Variants in FLT4 observed in about 807,000 individuals in gnomAD.
FLT4 encodes the protein vascular endothelial growth factor receptor 3.
FLT4 carries 30 observed loss-of-function variants against 163.2 expected under a neutral mutation model. The ratio of observed to expected loss-of-function variants is 0.18; its 90% CI spans 0.14 to 0.25. The LOEUF (loss-of-function observed/expected upper bound fraction) is 0.25. Among genes scored for constraint, FLT4 ranks in the 10% least tolerant of loss-of-function variants. FLT4 has a pLI of 1.00. For synonymous variants in FLT4, 884 were observed against 789.5 expected (o/e 1.12, Z -2.01); for missense variants, 1,510 against 1,863.8 (o/e 0.81, Z 3.50).
In FLT4 at chr5:180,619,215, C is replaced by G. The variant is rs1248283356; in HGVS notation, c.2761+38G>C. 4.7e-6 allele frequency: 7 copies of G among 1,504,094 alleles called. No individual in the cohort carries two copies. The Admixed American group carries it at 8.0e-5, about 17-fold the overall frequency. 93.2% of individuals were successfully genotyped at this position (1,504,094 alleles called of 1,614,324 possible). A position where few individuals can be genotyped will look rare whatever the true frequency, so the allele number is the denominator to read the frequency against. The stretch of plus-strand genomic sequence containing the variant: ...CCTCCCGCCCGCGGCGCCCCGCGCC[C>G]GGGGTCTCGCCGTCCCAGCGGGCCG... On this transcript the variant is annotated intron_variant, in intron 19 of 29. Coordinates refer to ENST00000261937, the MANE Select transcript of FLT4 (RefSeq NM_182925.5).
chr5:180,649,119 C>T (rs1050031042), intron 1 of FLT4, among the ~76,000 whole-genome samples: 4 of 151,654 alleles, frequency 2.6e-5, no homozygotes, highest in African/African-American at 9.7e-5. Flanking sequence ...CGGCGCGGCG[C>T]GGGGACCCCG....
chr5:180,627,324 G>T (rs536935435), intron 8 of FLT4, among the ~76,000 whole-genome samples: 1 of 152,298 alleles, frequency 6.6e-6, no homozygotes, highest in East Asian at 1.9e-4. Flanking sequence ...TGCCTGGCCT[G>T]GGGTCGCAGA....
chr5:180,616,581 A>G lies in FLT4; in HGVS notation c.3097-92T>C, dbSNP rs1762709341. 4.2e-6 allele frequency: 6 copies of G among 1,423,988 alleles called. No homozygotes were observed. The Admixed American group carries it at 8.6e-5, about 20-fold the overall frequency. The allele number at this position is 1,423,988 out of a possible 1,614,324, so 88.2% of individuals were successfully genotyped here. A position where few individuals can be genotyped will look rare whatever the true frequency, so the allele number is the denominator to read the frequency against. On this transcript the variant is annotated intron_variant, in intron 22 of 29. Transcript: ENST00000261937. ...ACTCCAGGGTGCCCAAGCAGTGGGG[A>G]CCATGGGGATGCCCTGCCTGAACTG...
At chr5:180,606,904 A>AAAAC (rs1554107725) in intron 29 of FLT4, among the ~76,000 whole-genome samples, 1 of 122,640 alleles carries the variant, frequency 8.2e-6, no homozygotes, top group Non-Finnish European at 1.8e-5. Flanking sequence ...AAAAAAAAAA[A>AAAAC]AAAAAAAAAA....
chr5:180,609,257 CA>C (rs1761990532), intron 28 of FLT4: 1 of 624,058 alleles, frequency 1.6e-6, no homozygotes. Context: ...ACACTGAGGT[CA>C]GGGGGGCTGT....
At chr5:180,622,935 C>G (rs73812624) in intron 11 of FLT4, 96 bp from the exon 12 acceptor site, 12 of 787,678 alleles carry the variant, frequency 1.5e-5, no homozygotes, top group African/African-American at 3.4e-5. Context: ...ACCACCCCCC[C>G]CAATCATGGG....
At position 180,612,574 on chromosome 5, in the gene FLT4, T is replaced by G. The variant is rs753200941; in HGVS notation, c.3469A>C (p.Lys1157Gln). Residue 1157 changes from lysine to glutamine, a missense_variant, in exon 26 of 30, where the codon AAG becomes CAG. Transcript: ENST00000261937. Reference sequence around the variant, plus strand: ...AGCTCCGAGAATGCAGGTCTCGCCTTGGGGTCTCCGGACCAGCAGTTCAGC... The same window carrying G: ...AGCTCCGAGAATGCAGGTCTCGCCTGGGGGTCTCCGGACCAGCAGTTCAGC... ...IMLNCWSGDP[K>Q]ARPAFSELVE... The G allele has an allele frequency of 6.6e-5, 106 of 1,613,886 alleles. No homozygotes were observed. The highest frequency in any genetic ancestry group is 8.8e-5 in the Non-Finnish European group (104 of 1,179,946).
chr5:180,634,637 G>A (rs1447048576), intron 1 of FLT4, among the ~76,000 whole-genome samples: 3 of 138,996 alleles, frequency 2.2e-5, no homozygotes, highest in Non-Finnish European at 4.6e-5. Context: ...GGAGCTTGCA[G>A]TGAGTGGAGA....
intron 17 of FLT4, 136 bp from the exon 18 acceptor site, chr5:180,619,905 A>T (rs1762992933): frequency 1.4e-6 from 1 of 715,860 alleles, no homozygotes; most frequent in African/African-American, 1.8e-5. Flanking sequence ...CCACAGCGGG[A>T]AGACAAGGAG....
upstream of FLT4, chr5:180,649,629 C>G: frequency 2.9e-5 from 10 of 344,906 alleles, no homozygotes; most frequent in Non-Finnish European, 3.6e-5. Context: ...TGGCCTGGGG[C>G]GGGGCGGGGC....
chr5:180,628,558 C>T (rs1763828158), intron 8 of FLT4, among the ~76,000 whole-genome samples: 1 of 152,182 alleles, frequency 6.6e-6, no homozygotes, highest in African/African-American at 2.4e-5. Flanking sequence ...CAGGGCAGGC[C>T]CTGGAGATTC....
At chr5:180,637,585 T>A (rs1289949107) in intron 1 of FLT4, among the ~76,000 whole-genome samples, 1 of 152,098 alleles carries the variant, frequency 6.6e-6, no homozygotes, top group Non-Finnish European at 1.5e-5. Flanking sequence ...CAGGCTGCAG[T>A]GCAGTGGCGT....
At chr5:180,611,011 C>A (rs529112494) in intron 27 of FLT4, among the ~76,000 whole-genome samples, 1 of 152,050 alleles carries the variant, frequency 6.6e-6, no homozygotes, top group African/African-American at 2.4e-5. Context: ...GAGCCGAGAT[C>A]GCGCCACTGC....
In FLT4 at chr5:180,629,197, G is replaced by A; in HGVS notation, c.985+62C>T. On this transcript the variant is annotated intron_variant, in intron 7 of 29. Transcript: ENST00000261937. ...CTGGCTGGACTCCTGAGTGCTCAAG[G>A]GCACCGTGAGCTCTGGGCCCAGGCC... 5 of 1,598,324 alleles carry A rather than the reference G, an allele frequency of 3.1e-6. No homozygotes were observed. The Admixed American group carries it at 8.3e-5, about 27-fold the overall frequency.
Position 180,621,457 on chromosome 5 carries a change from C to G in FLT4, c.2020+85G>C. The stretch of plus-strand genomic sequence containing the variant: ...AGGCCAGGGCTGTGAATAGACCTCC[C>G]AGGGGCGAGCCACGCCGGGGCAAAG... On this transcript the variant is annotated intron_variant, in intron 13 of 29. Transcript: ENST00000261937. 5.1e-6 allele frequency: 8 copies of G among 1,563,810 alleles called. No individual in the cohort carries two copies. The South Asian group carries it at 9.4e-5, about 18-fold the overall frequency.
In FLT4 at chr5:180,620,355, C is replaced by T; in HGVS notation, c.2407-47G>A. 1 of 1,605,836 alleles carries T rather than the reference C, an allele frequency of 6.2e-7. No homozygotes were observed. Among genetic ancestry groups the T allele is most frequent in the East Asian group, 2.2e-5 (1 of 44,838 alleles). ...GAGTGGGGCAGCTCACTGATTTGGC[C>T]ATACCACTGTGGCTTGGGCAGAACT... is the stretch of plus-strand genomic sequence containing the variant. On this transcript the variant is annotated intron_variant, in intron 16 of 29. Transcript: ENST00000261937. The surrounding 1 kb of genome is among the most constrained non-coding windows in gnomAD (Gnocchi z 4.4).
chr5:180,609,092 G>A, intron 28 of FLT4, 39 bp from the exon 29 acceptor site: 1 of 1,579,624 alleles, frequency 6.3e-7, no homozygotes, highest in Non-Finnish European at 8.7e-7. Flanking sequence ...GGTCCCGCCT[G>A]AGGCCCTCCT....
intron 17 of FLT4, 42 bp from the exon 18 acceptor site, chr5:180,619,811 T>C: frequency 6.7e-7 from 1 of 1,482,944 alleles, no homozygotes; most frequent in Non-Finnish European, 9.4e-7. Context: ...CTGTACGGGG[T>C]GAGCGTGGAG....
chr5:180,631,720 G>A lies in FLT4; in HGVS notation c.117C>T (p.His39=), dbSNP rs150736691. 374 of 1,610,766 alleles carry A rather than the reference G, an allele frequency of 2.3e-4. 3 individuals carry two copies. The African/African-American group carries it at 4.3e-3, about 18-fold the overall frequency. Residue 39 remains histidine, a synonymous_variant, in exon 2 of 30, where the codon CAC becomes CAT. Coordinates refer to ENST00000261937, the MANE Select transcript of FLT4 (RefSeq NM_182925.5). ...ACAGGCTGTCACCGGTGTCGATGAC[G>A]TGTGACTCCTCCGTGATGTTCAAGG... ...PPTLNITEES[H]VIDTGDSLSI...
Sources: gnomAD v4.1 joint callset for allele counts (sites outside exome capture counted in the v4.1 genomes callset) on GRCh38, gnomAD v4.1.1 for gene constraint, Gnocchi (gnomAD v3.1) non-coding constraint, MANE v1.5 for transcripts, NCBI Gene and HGNC (gene_info 2026-07-23, HGNC 2026-07-21) for gene names.